TSPAN18: variants seen among roughly 807,000 people sequenced by gnomAD.
TSPAN18 encodes the protein tetraspanin 18.
A neutral mutation model predicts 27.3 loss-of-function variants in TSPAN18; 14 were observed. The observed-to-expected ratio is 0.51, with a 90% confidence interval of 0.34 to 0.80. TSPAN18 has a LOEUF of 0.80. TSPAN18 is among the 30% of genes least tolerant of loss of function. The pLI is 0.01. For synonymous variants in TSPAN18, 143 were observed against 136.5 expected, an observed-to-expected ratio of 1.05 and a Z score of -0.33; for missense variants, 268 against 323.9, an observed-to-expected ratio of 0.83 and a Z score of 1.32.
At chr11:44,920,154 G>A (rs528542321) in intron 8 of TSPAN18, among the ~76,000 whole-genome samples, 155 bp downstream of exon 8, 1 of 152,300 alleles carries the variant, frequency 6.6e-6, no homozygotes, top group African/African-American at 2.4e-5. Flanking sequence ...ACCTGAGCAG[G>A]GGCTGATGGA....
rs543161221 is a variant in TSPAN18 at position 44,846,540 on chromosome 11, G to A, written c.-152-13788G>A. On this transcript the variant is annotated intron_variant, in intron 2 of 9. Coordinates refer to ENST00000520358, the MANE Select transcript of TSPAN18 (RefSeq NM_130783.5). ...ACAAACGTCAAGTCTAAGGAGGCCC[G>A]AATATTTAACAGAAACAGTCTGCTC... Among the ~76,000 whole-genome samples the A allele has an allele frequency of 4.6e-5, 7 of 152,216 alleles. No individual in the cohort carries two copies. In the East Asian group the frequency reaches 5.8e-4, roughly 13 times the overall value.
intron 3 of TSPAN18, among the ~76,000 whole-genome samples, chr11:44,886,920 G>A (rs898002443): frequency 6.6e-6 from 1 of 152,188 alleles, no homozygotes; most frequent in Non-Finnish European, 1.5e-5. Flanking sequence ...TATATTGTCT[G>A]TGTGGGTTTG....
At chr11:44,793,900 A>G (rs1649482217) in intron 2 of TSPAN18, among the ~76,000 whole-genome samples, 2 of 152,204 alleles carry the variant, frequency 1.3e-5, no homozygotes, top group South Asian at 2.1e-4. Flanking sequence ...TGCATCTCAC[A>G]AGGGATGCCG....
intron 2 of TSPAN18, among the ~76,000 whole-genome samples, chr11:44,782,560 A>AG (rs1251278587): frequency 6.6e-6 from 1 of 151,724 alleles, no homozygotes. Context: ...AAAAAAAAAA[A>AG]AAGAAAGAAA....
At chr11:44,912,811 C>A (rs558262027) in intron 5 of TSPAN18, among the ~76,000 whole-genome samples, 1 of 149,042 alleles carries the variant, frequency 6.7e-6, no homozygotes, top group African/African-American at 2.5e-5. Context: ...GGGTGTTATA[C>A]GTGCATGGGC....
intron 2 of TSPAN18, among the ~76,000 whole-genome samples, chr11:44,765,500 C>T (rs184109388): frequency 2.6e-5 from 4 of 152,312 alleles, no homozygotes; most frequent in South Asian, 4.1e-4. Flanking sequence ...GGGCTTCATG[C>T]GCCAGGCACA....
intron 2 of TSPAN18, among the ~76,000 whole-genome samples, chr11:44,848,676 C>A (rs1339738770): frequency 6.6e-6 from 1 of 152,208 alleles, no homozygotes. Context: ...TGGGAAGAGG[C>A]CAGCGGCACC....
At chr11:44,845,479 C>T (rs1857461535) in intron 2 of TSPAN18, among the ~76,000 whole-genome samples, 1 of 152,200 alleles carries the variant, frequency 6.6e-6, no homozygotes, top group Non-Finnish European at 1.5e-5. Flanking sequence ...AGAAGCACTC[C>T]CTGCCCTCAC....
intron 2 of TSPAN18, among the ~76,000 whole-genome samples, chr11:44,788,847 A>T (rs1253636086): frequency 5.3e-5 from 8 of 152,200 alleles, no homozygotes; most frequent in Admixed American, 1.3e-4. Context: ...AGGAGGTCAT[A>T]TGTCAGAGCT....
chr11:44,738,427 A>G (rs77312207), intron 1 of TSPAN18, among the ~76,000 whole-genome samples: 3,325 of 152,302 alleles, frequency 0.022, 111 homozygotes, highest in African/African-American at 0.076. Context: ...CAAGCTCCTC[A>G]ACCTCTCTGT....
chr11:44,830,055 G>A (rs1042466006), intron 2 of TSPAN18, among the ~76,000 whole-genome samples: 12 of 152,140 alleles, frequency 7.9e-5, no homozygotes, highest in African/African-American at 2.9e-4. Flanking sequence ...CTCCTCACAA[G>A]GTTACGTCAC....
chr11:44,896,647 C>G (rs781113999), intron 3 of TSPAN18, among the ~76,000 whole-genome samples: 8 of 152,264 alleles, frequency 5.3e-5, no homozygotes, highest in Non-Finnish European at 1.2e-4. Context: ...TCTGCACTCC[C>G]CCAAGACTAG....
At chr11:44,825,679 G>A (rs903321309) in intron 2 of TSPAN18, among the ~76,000 whole-genome samples, 21 of 152,204 alleles carry the variant, frequency 1.4e-4, no homozygotes, top group African/African-American at 5.1e-4. Context: ...GGATGTTGCC[G>A]TCTCAGCATT....
chr11:44,918,339 A>G (rs917257668), intron 6 of TSPAN18, among the ~76,000 whole-genome samples: 3 of 152,158 alleles, frequency 2.0e-5, no homozygotes, highest in Non-Finnish European at 4.4e-5. Context: ...CGGCCCAGTG[A>G]TAGTGAGACA....
chr11:44,748,804 G>C (rs11827043), intron 1 of TSPAN18, among the ~76,000 whole-genome samples: 10,455 of 152,234 alleles, frequency 0.069, 940 homozygotes, highest in African/African-American at 0.21. Context: ...TCAAGACAAA[G>C]ATTTTGCGTT....
chr11:44,926,524 G>A (rs1860361355), intron 8 of TSPAN18, 150 bp from the exon 9 acceptor site: 5 of 718,738 alleles, frequency 7.0e-6, no homozygotes, highest in East Asian at 2.5e-5. Context: ...CTCCTGCCCT[G>A]CACCCCCTCC....
At chr11:44,861,076 A>G (rs1857866427) in intron 3 of TSPAN18, among the ~76,000 whole-genome samples, 1 of 152,114 alleles carries the variant, frequency 6.6e-6, no homozygotes, top group Non-Finnish European at 1.5e-5. Flanking sequence ...CCAGGGCTCA[A>G]ATGATGCTGT....
chr11:44,787,460 A>C (rs1285211552), intron 2 of TSPAN18, among the ~76,000 whole-genome samples: 2 of 152,114 alleles, frequency 1.3e-5, no homozygotes, highest in African/African-American at 4.8e-5. Flanking sequence ...GCAGTGGACA[A>C]CTCAGTGTGC....
intron 1 of TSPAN18, among the ~76,000 whole-genome samples, chr11:44,727,639 G>A (rs1251650789): frequency 2.0e-5 from 3 of 152,152 alleles, no homozygotes; most frequent in Non-Finnish European, 4.4e-5. Context: ...TCGGGGTTTC[G>A]GCCAGGGCTG....
Sources: allele counts gnomAD v4.1 joint callset (sites outside exome capture counted in the v4.1 genomes callset), GRCh38; gene constraint gnomAD v4.1.1; transcripts MANE v1.5; gene names NCBI Gene and HGNC (gene_info 2026-07-23, HGNC 2026-07-21).